WARS2: variants seen among roughly 807,000 people sequenced by gnomAD.
WARS2 encodes tryptophanyl tRNA synthetase 2, mitochondrial.
A neutral mutation model predicts 36.5 loss-of-function variants in WARS2; 28 were observed. That is an observed-to-expected ratio of 0.77 (90% CI 0.57 to 1.05). The LOEUF (loss-of-function observed/expected upper bound fraction) is 1.05, where lower values mean the gene tolerates loss of function less well. Among genes scored for constraint, WARS2 ranks in the 50% least tolerant of loss-of-function variants. The probability of loss-of-function intolerance (pLI) is 0.00; values close to 1 mark genes in which losing one functional copy is unlikely to be tolerated. For synonymous variants in WARS2, 174 were observed against 178.4 expected (o/e 0.98, Z 0.20); for missense variants, 435 against 456.8 (o/e 0.95, Z 0.44).
At chr1:119,040,921 A>G (rs1648302328) in intron 4 of WARS2, among the ~76,000 whole-genome samples, 1 of 152,212 alleles carries the variant, frequency 6.6e-6, no homozygotes, top group African/African-American at 2.4e-5. Context: ...AGCCTTTTAA[A>G]TAAGTCAAAA....
In WARS2 at chr1:119,034,185, G is replaced by A; in HGVS notation, c.544C>T (p.Gln182Ter). ...TGAACTAGTTCCATGTGCTGGACTT[G>A]ATCCTCCCCAACAGGAACGTGTGTG... is the stretch of plus-strand genomic sequence containing the variant. The part of the protein sequence containing the change: ...KSTHVPVGED[Q>*]VQHMELVQDL... Residue 182 changes from glutamine (Q) to a stop codon, truncating the protein, a stop_gained, in exon 5 of 6, where the codon CAA becomes TAA. Coordinates refer to ENST00000235521, the MANE Select transcript of WARS2 (RefSeq NM_015836.4). LOFTEE classifies it high-confidence loss of function. The A allele has an allele frequency of 6.2e-7, 1 of 1,614,030 alleles. No homozygotes were observed. Among genetic ancestry groups the A allele is most frequent in the Non-Finnish European group, 8.5e-7 (1 of 1,179,928 alleles).
At chr1:119,081,939 A>G (rs925258004) in intron 1 of WARS2, among the ~76,000 whole-genome samples, 2 of 152,146 alleles carry the variant, frequency 1.3e-5, no homozygotes, top group African/African-American at 4.8e-5. Context: ...TCTGTTAAGA[A>G]ATGCTCACTC....
chr1:119,087,638 TTTGA>T (rs1390634381), intron 1 of WARS2, among the ~76,000 whole-genome samples: 2 of 152,206 alleles, frequency 1.3e-5, no homozygotes, highest in Admixed American at 1.3e-4. Context: ...CAGTGGTGGC[TTTGA>T]TTTTGTATTA....
chr1:119,107,416 T>C (rs1432322465), intron 1 of WARS2, among the ~76,000 whole-genome samples: 1 of 152,130 alleles, frequency 6.6e-6, no homozygotes, highest in Non-Finnish European at 1.5e-5. Flanking sequence ...GTTTTGCATT[T>C]TACATTTAGT....
In WARS2 at chr1:119,096,645, ATGT is replaced by A. The variant is rs753701077; in HGVS notation, c.91-20041_91-20039del. On this transcript the variant is annotated intron_variant, in intron 1 of 5. Coordinates refer to ENST00000235521, the MANE Select transcript of WARS2 (RefSeq NM_015836.4). ...TCCTTCCCCAACTGGAAATTTTTAA[ATGT>A]TGTACATAATTATTCTCTATACTAC... Among the ~76,000 whole-genome samples the A allele has an allele frequency of 4.9e-4, 75 of 152,278 alleles. No homozygotes were observed. The East Asian group carries it at 0.013, about 26-fold the overall frequency.
chr1:119,064,603 C>T (rs1650675967), intron 2 of WARS2: 1 of 152,242 alleles, frequency 6.6e-6, no homozygotes, highest in Admixed American at 6.5e-5. Flanking sequence ...GCCGGTCTTT[C>T]CCATGCTATT....
intron 2 of WARS2, among the ~76,000 whole-genome samples, chr1:119,067,225 A>G (rs1023740010): frequency 6.6e-6 from 1 of 152,254 alleles, no homozygotes; most frequent in African/African-American, 2.4e-5. Flanking sequence ...GCTATATTAT[A>G]TGCAATACAA....
intron 1 of WARS2, among the ~76,000 whole-genome samples, chr1:119,113,091 A>T (rs1654750983): frequency 6.6e-6 from 1 of 152,208 alleles, no homozygotes; most frequent in African/African-American, 2.4e-5. Flanking sequence ...TTAGAATGCT[A>T]AAAGGTGATA....
chr1:119,103,412 T>C (rs4659147), intron 1 of WARS2, among the ~76,000 whole-genome samples: 124,490 of 152,020 alleles, frequency 0.82, 51,796 homozygotes, highest in African/African-American at 0.96. Flanking sequence ...AGCTTTGGGC[T>C]TAATCAAGTT....
chr1:119,129,733 A>AT lies in WARS2; in HGVS notation c.90+10821_90+10822insA, dbSNP rs71070788. On this transcript the variant is annotated intron_variant, in intron 1 of 5. Coordinates refer to ENST00000235521, the MANE Select transcript of WARS2 (RefSeq NM_015836.4). Reference sequence around the variant, plus strand: ...CTATCTCAAAAAATAAAAATAAAAAAAAAATAAAATAAAATAAATCCCATT... The same window carrying AT: ...CTATCTCAAAAAATAAAAATAAAAAATAAAATAAAATAAAATAAATCCCATT... 7.8e-3 allele frequency among the ~76,000 whole-genome samples: 1,191 copies of AT among 151,942 alleles called. 5 individuals carry two copies. The highest frequency in any genetic ancestry group is 0.014 in the Middle Eastern group (4 of 294).
intron 2 of WARS2, among the ~76,000 whole-genome samples, chr1:119,049,088 AAAAAT>A (rs746606516): frequency 2.0e-5 from 3 of 152,306 alleles, no homozygotes; most frequent in Non-Finnish European, 2.9e-5. Context: ...ATAAAAAGTA[AAAAAT>A]AAAATAAAAT....
intron 1 of WARS2, among the ~76,000 whole-genome samples, chr1:119,111,047 T>C (rs1341480628): frequency 6.6e-6 from 1 of 152,182 alleles, no homozygotes; most frequent in Non-Finnish European, 1.5e-5. Context: ...TGTTGTCTAC[T>C]TTTTCCATTA....
intron 1 of WARS2, among the ~76,000 whole-genome samples, chr1:119,106,809 A>C (rs2101480774): frequency 6.6e-6 from 1 of 152,332 alleles, no homozygotes; most frequent in East Asian, 1.9e-4. Flanking sequence ...TTTTCAATTG[A>C]TTTTGGTGAA....
chr1:119,050,708 C>T (rs1649275129), intron 2 of WARS2, among the ~76,000 whole-genome samples: 1 of 151,930 alleles, frequency 6.6e-6, no homozygotes, highest in Admixed American at 6.6e-5. Flanking sequence ...CAAAAAAGTA[C>T]TGTACTATTA....
At chr1:119,097,802 A>C (rs779395978) in intron 1 of WARS2, among the ~76,000 whole-genome samples, 3 of 152,198 alleles carry the variant, frequency 2.0e-5, no homozygotes, top group Non-Finnish European at 1.5e-5. Flanking sequence ...TGAATACTAC[A>C]TGAGGCTTAT....
intron 2 of WARS2, among the ~76,000 whole-genome samples, chr1:119,066,798 T>C (rs1650918994): frequency 6.6e-6 from 1 of 152,168 alleles, no homozygotes; most frequent in Non-Finnish European, 1.5e-5. Flanking sequence ...TAATGTAAGT[T>C]AGAATACCAT....
chr1:119,063,352 A>G (rs1420902416), intron 2 of WARS2: 2 of 152,218 alleles, frequency 1.3e-5, no homozygotes, highest in Non-Finnish European at 2.9e-5. Context: ...AAAAGTTTGG[A>G]AAATTTGCAG....
At chr1:119,078,604 T>C (rs1651920218) in intron 1 of WARS2, among the ~76,000 whole-genome samples, 3 of 152,168 alleles carry the variant, frequency 2.0e-5, no homozygotes, top group Admixed American at 2.0e-4. Flanking sequence ...CTTTTTATGA[T>C]TACTACCTAT....
Position 119,085,361 on chromosome 1 carries a change from A to G in WARS2, c.91-8754T>C, listed in dbSNP as rs587701302. 2.0e-5 allele frequency: 28 copies of G among 1,370,468 alleles called. No homozygotes were observed. The African/African-American group carries it at 3.9e-4, about 19-fold the overall frequency. 84.9% of individuals were successfully genotyped at this position (1,370,468 alleles called of 1,614,324 possible). ...CCTAGTTCTTGCTGCTGTGCTTCTT[A>G]GGGCCAGGGTTGTCCTCTTCCTTTA... is the stretch of plus-strand genomic sequence containing the variant. On this transcript the variant is annotated intron_variant, in intron 1 of 5. Coordinates refer to ENST00000235521, the MANE Select transcript of WARS2 (RefSeq NM_015836.4).
Sources: allele counts gnomAD v4.1 joint callset (sites outside exome capture counted in the v4.1 genomes callset), GRCh38; gene constraint gnomAD v4.1.1; transcripts MANE v1.5; gene names NCBI Gene and HGNC (gene_info 2026-07-23, HGNC 2026-07-21).